The following CAMKMT variants were observed in gnomAD, a reference collection of about 807,000 sequenced individuals.
CAMKMT encodes the protein calmodulin-lysine N-methyltransferase, also known as CaM KMT.
CAMKMT carries 53 observed loss-of-function variants against 48.0 expected under a neutral mutation model. That is an observed-to-expected ratio of 1.10 (90% confidence interval 0.89 to 1.39). CAMKMT has a LOEUF of 1.39. Ranked by LOEUF, CAMKMT falls within the 40% of genes most tolerant of loss-of-function variation. The probability of loss-of-function intolerance (pLI) is 0.00; values close to 1 mark genes in which losing one functional copy is unlikely to be tolerated. For missense variants in CAMKMT, 428 were observed against 402.7 expected, an observed-to-expected ratio of 1.06 and a Z score of -0.54; for synonymous variants, 165 against 152.3, an observed-to-expected ratio of 1.08 and a Z score of -0.61.
At chr2:44,629,964 C>A in intron 3 of CAMKMT, among the ~76,000 whole-genome samples, 1 of 151,846 alleles carries the variant, frequency 6.6e-6, no homozygotes. Flanking sequence ...AAGAACAAAG[C>A]CAGAGGCATC....
chr2:44,504,343 A>G (rs1443331865), intron 3 of CAMKMT, among the ~76,000 whole-genome samples: 2 of 152,176 alleles, frequency 1.3e-5, no homozygotes, highest in African/African-American at 4.8e-5. Flanking sequence ...CATATGTTGT[A>G]TTAGTTCAGA....
At position 44,372,856 on chromosome 2, in the gene CAMKMT, C is replaced by A. The variant is rs770150321; in HGVS notation, c.279C>A (p.Ser93Arg). 6.2e-7 allele frequency: 1 copy of A among 1,613,878 alleles called. No individual in the cohort carries two copies. The highest frequency in any genetic ancestry group is 8.5e-7 in the Non-Finnish European group (1 of 1,179,870). Reference protein sequence around the residue: ...EEVGAWVQYTSIFCPEYSISL... With the variant: ...EEVGAWVQYTRIFCPEYSISL... ...TTGGTGCATGGGTCCAATATACAAG[C>A]ATCTTCTGTCCTGAATACAGTATCT... Residue 93 changes from serine to arginine, a missense_variant, in exon 2 of 11, where the codon AGC becomes AGA. Ser to Arg is a moderately radical substitution (Grantham distance 110). Coordinates refer to ENST00000378494, the MANE Select transcript of CAMKMT (RefSeq NM_024766.5).
chr2:44,426,006 C>T (rs1246100328), intron 3 of CAMKMT, among the ~76,000 whole-genome samples: 1 of 152,196 alleles, frequency 6.6e-6, no homozygotes, highest in Non-Finnish European at 1.5e-5. Context: ...GCTGGGATTA[C>T]AGGCGTGAGC....
intron 3 of CAMKMT, among the ~76,000 whole-genome samples, chr2:44,516,729 G>C (rs1247535923): frequency 6.8e-6 from 1 of 146,992 alleles, no homozygotes; most frequent in Non-Finnish European, 1.5e-5. Flanking sequence ...AATTAAGGAT[G>C]TTTCTTGAGA....
intron 3 of CAMKMT, among the ~76,000 whole-genome samples, chr2:44,604,899 G>A (rs4952719): frequency 0.4 from 61,334 of 151,710 alleles, 14,456 homozygotes; most frequent in Middle Eastern, 0.54. Context: ...GGCTGTTTGT[G>A]GCTCACTTTC....
intron 3 of CAMKMT, among the ~76,000 whole-genome samples, chr2:44,588,600 T>TG (rs547582111): frequency 4.1e-5 from 1 of 24,600 alleles, no homozygotes; most frequent in Non-Finnish European, 8.0e-5. Flanking sequence ...AGGAGGGAGG[T>TG]GGGGGGTCAG....
chr2:44,499,730 G>A (rs1669919695), intron 3 of CAMKMT, among the ~76,000 whole-genome samples: 1 of 152,200 alleles, frequency 6.6e-6, no homozygotes, highest in South Asian at 2.1e-4. Flanking sequence ...GTTCTGAAGT[G>A]TGACTGTTTA....
At chr2:44,751,012 CA>C (rs111264651) in intron 8 of CAMKMT, among the ~76,000 whole-genome samples, 3 of 147,454 alleles carry the variant, frequency 2.0e-5, no homozygotes, top group East Asian at 2.0e-4. Flanking sequence ...GACTCGGTCT[CA>C]AAAAAAAAAG....
At chr2:44,412,655 A>G (rs553260827) in intron 3 of CAMKMT, among the ~76,000 whole-genome samples, 8 of 152,288 alleles carry the variant, frequency 5.3e-5, no homozygotes, top group South Asian at 2.1e-4. Flanking sequence ...TTTTGACTCA[A>G]TACATTTCAT....
intron 3 of CAMKMT, among the ~76,000 whole-genome samples, chr2:44,427,053 C>G (rs1684322398): frequency 6.6e-6 from 1 of 152,062 alleles, no homozygotes; most frequent in Non-Finnish European, 1.5e-5. Flanking sequence ...ACAATGTCAA[C>G]AATGGGGGAA....
At chr2:44,643,453 C>G (rs2104008856) in intron 3 of CAMKMT, among the ~76,000 whole-genome samples, 1 of 152,124 alleles carries the variant, frequency 6.6e-6, no homozygotes, top group Non-Finnish European at 1.5e-5. Flanking sequence ...TGAGAGAGGT[C>G]TAGATGGAGG....
At chr2:44,380,665 A>C (rs1680148527) in intron 2 of CAMKMT, among the ~76,000 whole-genome samples, 1 of 152,182 alleles carries the variant, frequency 6.6e-6, no homozygotes, top group South Asian at 2.1e-4. Context: ...ATTAGAACTA[A>C]CTTCTTATAG....
intron 3 of CAMKMT, among the ~76,000 whole-genome samples, chr2:44,625,709 G>A (rs1013021923): frequency 1.3e-5 from 2 of 151,896 alleles, no homozygotes; most frequent in Admixed American, 1.3e-4. Context: ...TAAGGGTCGA[G>A]GTTCATTTTT....
chr2:44,650,155 T>A (rs1355747702), intron 3 of CAMKMT, among the ~76,000 whole-genome samples: 1 of 152,174 alleles, frequency 6.6e-6, no homozygotes, highest in Non-Finnish European at 1.5e-5. Flanking sequence ...AAAGTCAAGG[T>A]GTAGAGCCAT....
At position 44,520,243 on chromosome 2, in the gene CAMKMT, T is replaced by A. The variant is rs183995895; in HGVS notation, c.376+129938T>A. 2.0e-5 allele frequency among the ~76,000 whole-genome samples: 3 copies of A among 151,926 alleles called. No homozygotes were observed. In the East Asian group the frequency reaches 5.8e-4, roughly 29 times the overall value. ...CAAAAAATAAATACATAAATAAATT[T>A]ATTTTAGTTGAGATGGGGTCTCGCT... On this transcript the variant is annotated intron_variant, in intron 3 of 10. Coordinates refer to ENST00000378494, the MANE Select transcript of CAMKMT (RefSeq NM_024766.5).
intron 3 of CAMKMT, among the ~76,000 whole-genome samples, chr2:44,520,104 A>C (rs1270445836): frequency 6.6e-6 from 1 of 151,568 alleles, no homozygotes; most frequent in Admixed American, 6.6e-5. Flanking sequence ...CTGTGGTCCC[A>C]GCTATTCGGG....
chr2:44,529,342 A>G (rs1159329137), intron 3 of CAMKMT, among the ~76,000 whole-genome samples: 1 of 152,180 alleles, frequency 6.6e-6, no homozygotes, highest in Non-Finnish European at 1.5e-5. Flanking sequence ...GTTTTATTAT[A>G]AATTATTTCC....
At chr2:44,542,730 C>T (rs549064863) in intron 3 of CAMKMT, among the ~76,000 whole-genome samples, 1 of 152,134 alleles carries the variant, frequency 6.6e-6, no homozygotes, top group South Asian at 2.1e-4. Flanking sequence ...CACTGTCAGG[C>T]CTAGAAGCAG....
At chr2:44,456,794 C>G (rs1667586823) in intron 3 of CAMKMT, 4 of 535,822 alleles carry the variant, frequency 7.5e-6, no homozygotes, top group Non-Finnish European at 1.2e-5. Flanking sequence ...ATCAGCTATC[C>G]TATTTTCCTA....
Sources: allele counts gnomAD v4.1 joint callset (sites outside exome capture counted in the v4.1 genomes callset), GRCh38; gene constraint gnomAD v4.1.1; transcripts MANE v1.5; gene names NCBI Gene and HGNC (gene_info 2026-07-23, HGNC 2026-07-21).